The following NRXN3 variants were observed in gnomAD, a reference collection of about 807,000 sequenced individuals.
NRXN3 encodes neurexin III.
NRXN3 carries 32 observed loss-of-function variants against 137.6 expected under a neutral mutation model. That is an observed-to-expected ratio of 0.23 (90% CI 0.18 to 0.31). The LOEUF (loss-of-function observed/expected upper bound fraction) is 0.31, where lower values mean the gene tolerates loss of function less well. NRXN3 is among the 10% of genes least tolerant of loss of function. The probability of loss-of-function intolerance (pLI) is 1.00; values close to 1 mark genes in which losing one functional copy is unlikely to be tolerated. For synonymous variants in NRXN3, 798 were observed against 784.5 expected (o/e 1.02, Z -0.29); for missense variants, 1,574 against 2,062.5 (o/e 0.76, Z 4.59).
intron 8 of NRXN3, among the ~76,000 whole-genome samples, chr14:78,775,441 ACTC>A (rs926017818): frequency 3.7e-4 from 56 of 152,142 alleles, no homozygotes; most frequent in African/African-American, 1.3e-3. Flanking sequence ...AAATTCATAA[ACTC>A]CTTAAAACAT....
At chr14:79,830,207 T>TA (rs2099318682) in intron 20 of NRXN3, among the ~76,000 whole-genome samples, 2 of 152,216 alleles carry the variant, frequency 1.3e-5, no homozygotes, top group South Asian at 4.1e-4. Flanking sequence ...GTACCTTAGT[T>TA]GTAACTTTGA....
At chr14:79,770,800 C>A (rs1158052630) in intron 19 of NRXN3, among the ~76,000 whole-genome samples, 3 of 151,430 alleles carry the variant, frequency 2.0e-5, no homozygotes, top group Non-Finnish European at 4.4e-5. Flanking sequence ...GAAATAGAGA[C>A]ACAAAAAACC....
chr14:79,679,304 T>A (rs1289214454), intron 17 of NRXN3, among the ~76,000 whole-genome samples: 1 of 152,180 alleles, frequency 6.6e-6, no homozygotes, highest in African/African-American at 2.4e-5. Flanking sequence ...ATGTAGTTAA[T>A]ATTCAATGAA....
chr14:79,295,806 C>A (rs574741605), intron 15 of NRXN3, among the ~76,000 whole-genome samples: 1 of 152,320 alleles, frequency 6.6e-6, no homozygotes. Flanking sequence ...CACGTTGCAG[C>A]TGACTCCATA....
chr14:79,042,385 T>C (rs2099626477), intron 15 of NRXN3, among the ~76,000 whole-genome samples: 1 of 152,224 alleles, frequency 6.6e-6, no homozygotes, highest in Non-Finnish European at 1.5e-5. Context: ...GAATACTTAA[T>C]GCACGGTTTG....
At chr14:78,462,536 G>A (rs969105410) in intron 4 of NRXN3, among the ~76,000 whole-genome samples, 8 of 152,080 alleles carry the variant, frequency 5.3e-5, no homozygotes, top group African/African-American at 1.9e-4. Flanking sequence ...TGCACGCCAG[G>A]ATGTGATAAT....
At chr14:79,097,344 C>T (rs993987695) in intron 15 of NRXN3, among the ~76,000 whole-genome samples, 3 of 152,116 alleles carry the variant, frequency 2.0e-5, no homozygotes, top group Admixed American at 6.5e-5. Context: ...TCTAAAAATG[C>T]GCTGGCTCTG....
At chr14:79,450,136 G>A (rs1395135253) in intron 15 of NRXN3, among the ~76,000 whole-genome samples, 1 of 151,390 alleles carries the variant, frequency 6.6e-6, no homozygotes, top group Non-Finnish European at 1.5e-5. Context: ...AAGTGCCCTA[G>A]AGTAATTCTT....
chr14:78,807,239 A>G (rs1013984428), intron 9 of NRXN3, among the ~76,000 whole-genome samples: 1 of 152,246 alleles, frequency 6.6e-6, no homozygotes, highest in Non-Finnish European at 1.5e-5. Flanking sequence ...GATCCTTAGC[A>G]GAGTGCCAGG....
At chr14:79,205,988 T>C (rs2066729538) in intron 15 of NRXN3, among the ~76,000 whole-genome samples, 1 of 152,184 alleles carries the variant, frequency 6.6e-6, no homozygotes, top group Non-Finnish European at 1.5e-5. Context: ...TTGACAAGCA[T>C]GCCAGATGCT....
At position 79,763,323 on chromosome 14, in the gene NRXN3, A is replaced by C. The variant is rs546691027; in HGVS notation, c.4015-41789A>C. Among the ~76,000 whole-genome samples the C allele has an allele frequency of 5.1e-5, 6 of 118,278 alleles. No individual in the cohort carries two copies. In the South Asian group the frequency reaches 1.7e-3, roughly 33 times the overall value. 77.6% of individuals were successfully genotyped at this position (118,278 alleles called of 152,430 possible). ...CTTTGCTGTTGTGAATAGTGCTGCA[A>C]TAGACATACATGTGCATGTGTCTTT... On this transcript the variant is annotated intron_variant, in intron 19 of 20. Coordinates refer to ENST00000335750, the MANE Select transcript of NRXN3 (RefSeq NM_001330195.2).
At chr14:78,286,261 A>C (rs910285687) in intron 3 of NRXN3, among the ~76,000 whole-genome samples, 1 of 152,198 alleles carries the variant, frequency 6.6e-6, no homozygotes, top group African/African-American at 2.4e-5. Flanking sequence ...TTTAGAAGGA[A>C]GGGATAATGA....
At chr14:78,791,892 C>A (rs2098806157) in intron 8 of NRXN3, among the ~76,000 whole-genome samples, 1 of 151,894 alleles carries the variant, frequency 6.6e-6, no homozygotes, top group East Asian at 1.9e-4. Flanking sequence ...GTATAGAACT[C>A]AAAATATTAC....
chr14:79,596,988 G>A (rs1366590158), intron 16 of NRXN3, among the ~76,000 whole-genome samples: 1 of 152,142 alleles, frequency 6.6e-6, no homozygotes, highest in African/African-American at 2.4e-5. Flanking sequence ...ACAGCAGTAA[G>A]TCTAAGGCAT....
At position 79,813,333 on chromosome 14, in the gene NRXN3, C is replaced by T. The variant is rs142802923; in HGVS notation, c.4093+8143C>T. Among the ~76,000 whole-genome samples the T allele has an allele frequency of 9.3e-3, 1,419 of 152,066 alleles. 19 individuals are homozygous for T. The highest frequency in any genetic ancestry group is 0.032 in the African/African-American group (1,344 of 41,484). Reference sequence around the variant, plus strand: ...ATATATCTATCCGTATATGCACATTCCTGTGTATATATATAAATAGATATA... The same window carrying T: ...ATATATCTATCCGTATATGCACATTTCTGTGTATATATATAAATAGATATA... On this transcript the variant is annotated intron_variant, in intron 20 of 20. Transcript: ENST00000335750.
intron 2 of NRXN3, among the ~76,000 whole-genome samples, chr14:78,262,632 G>A (rs1402225204): frequency 5.3e-5 from 8 of 151,824 alleles, no homozygotes; most frequent in African/African-American, 1.9e-4. Context: ...GCCCTCCCAG[G>A]TCCTCCCACC....
chr14:79,334,567 G>A (rs1233926314), intron 15 of NRXN3, among the ~76,000 whole-genome samples: 1 of 152,160 alleles, frequency 6.6e-6, no homozygotes, highest in Admixed American at 6.6e-5. Flanking sequence ...TATTGTGTAT[G>A]GCCTTGTAGG....
intron 20 of NRXN3, among the ~76,000 whole-genome samples, chr14:79,845,706 C>G (rs1394731915): frequency 1.7e-3 from 70 of 40,376 alleles, no homozygotes; most frequent in Admixed American, 2.4e-3. Context: ...GGGAGAGAGA[C>G]GGAGACGGGG....
chr14:79,379,556 T>C (rs2094405456), intron 15 of NRXN3, among the ~76,000 whole-genome samples: 1 of 152,178 alleles, frequency 6.6e-6, no homozygotes, highest in Non-Finnish European at 1.5e-5. Flanking sequence ...GCCTCTCCCA[T>C]GGTGCCAGAA....
Sources: allele counts gnomAD v4.1 joint callset (sites outside exome capture counted in the v4.1 genomes callset), GRCh38; gene constraint gnomAD v4.1.1; transcripts MANE v1.5; gene names NCBI Gene and HGNC (gene_info 2026-07-23, HGNC 2026-07-21).